The following UVRAG variants were observed in gnomAD, a reference collection of about 807,000 sequenced individuals.
UVRAG encodes UV radiation resistance associated.
In UVRAG, 19 loss-of-function variants were observed where a neutral mutation model predicts 78.0. The observed-to-expected ratio is 0.24, with a 90% CI of 0.17 to 0.36. UVRAG has a LOEUF of 0.36. UVRAG is among the 10% of genes least tolerant of loss of function. The pLI is 1.00. For synonymous variants in UVRAG, 323 were observed against 324.6 expected (o/e 1.00, Z 0.05); for missense variants, 740 against 853.8 (o/e 0.87, Z 1.66).
intron 6 of UVRAG, among the ~76,000 whole-genome samples, chr11:75,950,396 T>A (rs1396637534): frequency 6.6e-6 from 1 of 152,132 alleles, no homozygotes; most frequent in Non-Finnish European, 1.5e-5. Context: ...TAGCTGGGAA[T>A]GGGTGCGCAC....
chr11:76,047,968 T>G (rs967722660), intron 12 of UVRAG, among the ~76,000 whole-genome samples: 8 of 152,212 alleles, frequency 5.3e-5, no homozygotes, highest in African/African-American at 1.9e-4. Flanking sequence ...CCATATGTTT[T>G]ATACCAAATT....
chr11:76,141,915 T>TA lies in UVRAG; in HGVS notation c.*503dup, dbSNP rs1421267684. 2 of 160,822 alleles carry TA rather than the reference T, an allele frequency of 1.2e-5. No individual in the cohort carries two copies. Among genetic ancestry groups the TA allele is most frequent in the Non-Finnish European group, 2.7e-5 (2 of 73,438 alleles). 10.0% of individuals were successfully genotyped at this position (160,822 alleles called of 1,614,324 possible). On this transcript the variant is annotated 3_prime_UTR_variant, in exon 15 of 15. Transcript: ENST00000356136. ...TGAAGAAGCAGCATAGTGGTCTCCTTACATCTAGGCCTAACTGTCCCTCTT... is the reference window on the plus strand; with the variant it reads ...TGAAGAAGCAGCATAGTGGTCTCCTTAACATCTAGGCCTAACTGTCCCTCTT...
intron 6 of UVRAG, among the ~76,000 whole-genome samples, chr11:75,960,332 A>G (rs548405195): frequency 6.6e-6 from 1 of 152,042 alleles, no homozygotes; most frequent in South Asian, 2.1e-4. Context: ...ATATCCCATG[A>G]CCTTGCTAAA....
At position 76,080,688 on chromosome 11, in the gene UVRAG, A is replaced by G. The variant is rs547565111; in HGVS notation, c.1305+14900A>G. On this transcript the variant is annotated intron_variant, in intron 13 of 14. Transcript: ENST00000356136. Reference sequence around the variant, plus strand: ...CAGCAGATACAGAAATTTCAGCTTTAAAGAGGCTGGTCAAGCTATGTATTT... The same window carrying G: ...CAGCAGATACAGAAATTTCAGCTTTGAAGAGGCTGGTCAAGCTATGTATTT... 8.9e-4 allele frequency among the ~76,000 whole-genome samples: 136 copies of G among 152,318 alleles called. 1 individual carries two copies. Among genetic ancestry groups the G allele is most frequent in the Non-Finnish European group, 1.7e-3 (116 of 68,024 alleles).
At chr11:75,985,067 C>T (rs921773828) in intron 8 of UVRAG, among the ~76,000 whole-genome samples, 2 of 151,852 alleles carry the variant, frequency 1.3e-5, no homozygotes, top group African/African-American at 4.8e-5. Context: ...TAGATTGTGC[C>T]CAATGGTTTT....
At chr11:75,942,798 A>G (rs1210126626) in intron 6 of UVRAG, among the ~76,000 whole-genome samples, 3 of 152,152 alleles carry the variant, frequency 2.0e-5, no homozygotes, top group Non-Finnish European at 4.4e-5. Context: ...TGTCAAGATA[A>G]ATGTATTCAA....
chr11:75,856,383 A>C (rs1399261327), intron 2 of UVRAG, among the ~76,000 whole-genome samples: 4 of 152,166 alleles, frequency 2.6e-5, no homozygotes, highest in African/African-American at 9.7e-5. Context: ...ACTGTCTTGA[A>C]TACATCAGAA....
intron 1 of UVRAG, among the ~76,000 whole-genome samples, chr11:75,822,619 G>A (rs1268245649): frequency 1.3e-5 from 2 of 151,292 alleles, no homozygotes; most frequent in Non-Finnish European, 2.9e-5. Flanking sequence ...TCATTTACTA[G>A]AGCAGCTCAC....
intron 14 of UVRAG, among the ~76,000 whole-genome samples, chr11:76,138,796 T>G (rs7946584): frequency 0.063 from 9,632 of 152,270 alleles, 578 homozygotes; most frequent in African/African-American, 0.16. Context: ...AGCTTGGCTT[T>G]TCTGCACAGA....
At chr11:75,821,099 C>A (rs1486886188) in intron 1 of UVRAG, among the ~76,000 whole-genome samples, 1 of 152,146 alleles carries the variant, frequency 6.6e-6, no homozygotes, top group Non-Finnish European at 1.5e-5. Context: ...CCTACCAGCC[C>A]CTGGTAAATT....
At chr11:76,118,816 C>G (rs917776566) in intron 14 of UVRAG, among the ~76,000 whole-genome samples, 1 of 152,108 alleles carries the variant, frequency 6.6e-6, no homozygotes, top group Non-Finnish European at 1.5e-5. Flanking sequence ...ATTGAGCAAA[C>G]ATGATGAGGT....
intron 14 of UVRAG, among the ~76,000 whole-genome samples, chr11:76,139,234 A>C (rs576506019): frequency 6.6e-6 from 1 of 152,330 alleles, no homozygotes; most frequent in Non-Finnish European, 1.5e-5. Flanking sequence ...ATCCTGCATC[A>C]GAGGAGAGAG....
intron 6 of UVRAG, among the ~76,000 whole-genome samples, chr11:75,959,959 C>T (rs558424221): frequency 2.0e-5 from 3 of 152,302 alleles, no homozygotes; most frequent in Admixed American, 2.0e-4. Context: ...GAACACAAAA[C>T]ATTTATCGAT....
intron 2 of UVRAG, among the ~76,000 whole-genome samples, chr11:75,857,571 C>A (rs1946320328): frequency 6.6e-6 from 1 of 151,516 alleles, no homozygotes; most frequent in Non-Finnish European, 1.5e-5. Context: ...CTCACTGCAG[C>A]CTCTACCTCC....
intron 1 of UVRAG, among the ~76,000 whole-genome samples, chr11:75,848,048 T>A (rs1946074230): frequency 7.1e-6 from 1 of 141,236 alleles, no homozygotes; most frequent in Non-Finnish European, 1.5e-5. Context: ...AAAAAAAAAA[T>A]TTAGCTGGGC....
At chr11:76,138,460 G>A (rs776741770) in intron 14 of UVRAG, among the ~76,000 whole-genome samples, 1 of 152,162 alleles carries the variant, frequency 6.6e-6, no homozygotes, top group African/African-American at 2.4e-5. Context: ...GGGGGTTGTC[G>A]CGCCTCATTA....
chr11:76,018,400 T>G (rs917620336), intron 12 of UVRAG, among the ~76,000 whole-genome samples: 6 of 149,624 alleles, frequency 4.0e-5, no homozygotes, highest in African/African-American at 1.5e-4. Context: ...TTCCACTGTG[T>G]TTTTTTTGTT....
At chr11:76,038,565 A>G (rs994680139) in intron 12 of UVRAG, among the ~76,000 whole-genome samples, 1 of 152,190 alleles carries the variant, frequency 6.6e-6, no homozygotes, top group East Asian at 1.9e-4. Flanking sequence ...TTTGGCATCC[A>G]CAAGGGTCCT....
intron 1 of UVRAG, among the ~76,000 whole-genome samples, chr11:75,818,087 AAAAC>A: frequency 6.7e-6 from 1 of 149,732 alleles, no homozygotes; most frequent in African/African-American, 2.5e-5. Flanking sequence ...AAACAAACAA[AAAAC>A]CCCCCAAAAA....
Sources: allele counts gnomAD v4.1 joint callset (sites outside exome capture counted in the v4.1 genomes callset), GRCh38; gene constraint gnomAD v4.1.1; transcripts MANE v1.5; gene names NCBI Gene and HGNC (gene_info 2026-07-23, HGNC 2026-07-21).